Variants in RSU1 observed in about 807,000 individuals in gnomAD.
The protein encoded by RSU1 is rsu-1.
Under a neutral mutation model 31.1 loss-of-function variants are expected in RSU1, and 26 were observed. The ratio of observed to expected loss-of-function variants is 0.84; its 90% CI spans 0.61 to 1.16. RSU1 has a LOEUF of 1.16. Ranked by LOEUF, RSU1 falls within the 50% of genes most tolerant of loss-of-function variation. The pLI, the probability that RSU1 is intolerant of heterozygous loss-of-function variation, is 0.00. For synonymous variants in RSU1, 164 were observed against 136.3 expected (o/e 1.20, Z -1.41); for missense variants, 320 against 339.1 (o/e 0.94, Z 0.44).
intron 7 of RSU1, among the ~76,000 whole-genome samples, chr10:16,707,302 T>G (rs1207645219): frequency 6.6e-6 from 1 of 152,204 alleles, no homozygotes; most frequent in Non-Finnish European, 1.5e-5. Flanking sequence ...TTTAATTTTT[T>G]GAAGGATCTC....
intron 3 of RSU1, among the ~76,000 whole-genome samples, chr10:16,773,000 A>G (rs532328327): frequency 6.6e-6 from 1 of 152,230 alleles, no homozygotes; most frequent in African/African-American, 2.4e-5. Flanking sequence ...GGAGCCCAGG[A>G]GTTTCAGACC....
chr10:16,785,960 A>G (rs1837783319), intron 2 of RSU1, among the ~76,000 whole-genome samples: 1 of 152,146 alleles, frequency 6.6e-6, no homozygotes, highest in South Asian at 2.1e-4. Flanking sequence ...CGATCAAGGC[A>G]ACTTCCCCAC....
At chr10:16,618,569 A>T (rs769031572) in intron 8 of RSU1, among the ~76,000 whole-genome samples, 1 of 152,230 alleles carries the variant, frequency 6.6e-6, no homozygotes. Flanking sequence ...AAGACTTGGA[A>T]CCAACCCAAA....
chr10:16,797,369 T>C (rs1035601379), intron 2 of RSU1, among the ~76,000 whole-genome samples: 1 of 152,226 alleles, frequency 6.6e-6, no homozygotes, highest in Non-Finnish European at 1.5e-5. Context: ...AGCAAGCCAC[T>C]GTATTTCTGA....
chr10:16,755,391 G>A (rs966001860), intron 4 of RSU1, among the ~76,000 whole-genome samples: 8 of 151,588 alleles, frequency 5.3e-5, no homozygotes, highest in Non-Finnish European at 1.0e-4. Context: ...CCAGAATGCT[G>A]GGATTACAGG....
At chr10:16,787,299 A>G (rs1020361076) in intron 2 of RSU1, among the ~76,000 whole-genome samples, 2 of 151,986 alleles carry the variant, frequency 1.3e-5, no homozygotes, top group Non-Finnish European at 2.9e-5. Context: ...CACGTGTTCC[A>G]CTATGTAGAG....
intron 7 of RSU1, among the ~76,000 whole-genome samples, chr10:16,739,466 C>CCT (rs1285673679): frequency 1.1e-5 from 1 of 94,250 alleles, no homozygotes; most frequent in Non-Finnish European, 2.0e-5. Context: ...CATTTTCTTC[C>CCT]TTTTTTTTTT....
intron 1 of RSU1, 45 bp downstream of exon 1, chr10:16,817,270 C>G (rs1187657064): frequency 1.7e-6 from 1 of 571,672 alleles, no homozygotes; most frequent in African/African-American, 1.9e-5. Flanking sequence ...CCGCTGCGGC[C>G]ACGCAGCGAG....
At chr10:16,808,075 G>A (rs1204018763) in intron 2 of RSU1, among the ~76,000 whole-genome samples, 1 of 151,070 alleles carries the variant, frequency 6.6e-6, no homozygotes, top group Admixed American at 6.6e-5. Context: ...GGTAAGGCAG[G>A]CCCTAGGAGT....
chr10:16,599,435 CTGTCTGG>C, intron 8 of RSU1, among the ~76,000 whole-genome samples: 2 of 152,178 alleles, frequency 1.3e-5, no homozygotes, highest in African/African-American at 4.8e-5. Flanking sequence ...CATGTGGTAC[CTGTCTGG>C]CCCTACAGGA....
intron 8 of RSU1, among the ~76,000 whole-genome samples, chr10:16,615,076 A>G (rs1458659442): frequency 1.3e-5 from 2 of 152,216 alleles, no homozygotes; most frequent in Non-Finnish European, 2.9e-5. Context: ...CAGTTAAAAG[A>G]CACAGACTGG....
At chr10:16,663,352 T>A (rs182872722) in intron 8 of RSU1, among the ~76,000 whole-genome samples, 1 of 152,148 alleles carries the variant, frequency 6.6e-6, no homozygotes, top group Admixed American at 6.5e-5. Flanking sequence ...CCTGGAAAGA[T>A]GAAGGGATTG....
At chr10:16,652,663 A>C (rs574293949) in intron 8 of RSU1, among the ~76,000 whole-genome samples, 3 of 152,290 alleles carry the variant, frequency 2.0e-5, no homozygotes, top group African/African-American at 2.4e-5. Context: ...AATGTATTAG[A>C]TACAAAACTA....
intron 8 of RSU1, among the ~76,000 whole-genome samples, chr10:16,680,494 T>C (rs982668351): frequency 2.6e-5 from 4 of 152,218 alleles, no homozygotes; most frequent in African/African-American, 9.7e-5. Context: ...CTTCAGGCTG[T>C]ACAAGAAGCA....
chr10:16,679,482 G>T (rs916992932), intron 8 of RSU1, among the ~76,000 whole-genome samples: 9 of 152,094 alleles, frequency 5.9e-5, no homozygotes, highest in Admixed American at 5.9e-4. Flanking sequence ...CCTAAAGAAA[G>T]ATGATAAAAG....
At chr10:16,767,747 C>T (rs1837342920) in intron 3 of RSU1, among the ~76,000 whole-genome samples, 1 of 151,906 alleles carries the variant, frequency 6.6e-6, no homozygotes, top group East Asian at 1.9e-4. Flanking sequence ...CACAGCATCT[C>T]AATACCTGGG....
chr10:16,619,530 C>T (rs997309384), intron 8 of RSU1, among the ~76,000 whole-genome samples: 5 of 152,200 alleles, frequency 3.3e-5, no homozygotes, highest in East Asian at 1.9e-4. Context: ...ATCAACTGTC[C>T]TGCTTCCCAT....
chr10:16,667,060 C>A (rs916732196), intron 8 of RSU1, among the ~76,000 whole-genome samples: 1 of 150,026 alleles, frequency 6.7e-6, no homozygotes. Context: ...CAACAAAAAA[C>A]AAAGAAAAAA....
chr10:16,668,399 C>T (rs1835039732), intron 8 of RSU1, among the ~76,000 whole-genome samples: 1 of 152,072 alleles, frequency 6.6e-6, no homozygotes, highest in South Asian at 2.1e-4. Flanking sequence ...GGCAGAGGGA[C>T]CAGTGGTTGA....
Sources: allele counts gnomAD v4.1 joint callset (sites outside exome capture counted in the v4.1 genomes callset), GRCh38; gene constraint gnomAD v4.1.1; transcripts MANE v1.5; gene names NCBI Gene and HGNC (gene_info 2026-07-23, HGNC 2026-07-21).